AP2A1: variants seen among roughly 807,000 people sequenced by gnomAD.
The protein encoded by AP2A1 is AP-2 complex subunit alpha-1.
AP2A1 carries 21 observed loss-of-function variants against 107.3 expected under a neutral mutation model. That is an observed-to-expected ratio of 0.20 (90% CI 0.14 to 0.28). The LOEUF is 0.28. Ranked by LOEUF, AP2A1 falls within the 10% of genes least tolerant of loss-of-function variation. The pLI, the probability that AP2A1 is intolerant of heterozygous loss-of-function variation, is 1.00. For synonymous variants in AP2A1, 602 were observed against 564.8 expected (o/e 1.07, Z -0.93); for missense variants, 873 against 1,307.7 (o/e 0.67, Z 5.13).
chr19:49,806,192 T>G lies in AP2A1; in HGVS notation c.2729T>G (p.Ile910Ser). 6.2e-7 allele frequency: 1 copy of G among 1,600,228 alleles called. No individual in the cohort carries two copies. The highest frequency in any genetic ancestry group is 8.5e-7 in the Non-Finnish European group (1 of 1,173,886). Reference sequence around the variant, plus strand: ...GAGAACTTCGTGGGGGCGGGGATCATCCAGACTAAAGCCCTGCAGGTGGGC... The same window carrying G: ...GAGAACTTCGTGGGGGCGGGGATCAGCCAGACTAAAGCCCTGCAGGTGGGC... ...NPENFVGAGI[I>S]QTKALQVGCL... Residue 910 changes from isoleucine to serine, a missense_variant, in exon 22 of 23, where the codon ATC becomes AGC. This residue lies in a region of AP2A1 where 416 missense variants were observed against 473.4 expected (regional missense o/e 0.88). Coordinates refer to ENST00000354293, the MANE Select transcript of AP2A1 (RefSeq NM_130787.3).
chr19:49,801,760 C>G lies in AP2A1; in HGVS notation c.1824C>G (p.Arg608=). 2 of 1,567,874 alleles carry G rather than the reference C, an allele frequency of 1.3e-6. No homozygotes were observed. ...AGGAGATGCCGCCCTTCCCCGAGCG[C>G]GAGTCGTCCATCCTGGCCAAGCTGA... ...VLEEMPPFPE[R]ESSILAKLKR... is the part of the protein sequence containing the mutation. Residue 608 remains arginine, a synonymous_variant, in exon 14 of 23, where the codon CGC becomes CGG. Coordinates refer to ENST00000354293, the MANE Select transcript of AP2A1 (RefSeq NM_130787.3).
chr19:49,806,585 G>T lies in AP2A1; in HGVS notation c.2791-96G>T. ...CTCCTGTGTCTTGTATCACCTTTCT[G>T]GCCCCTTTATCCTTCCTTCCTTCTA... is the stretch of plus-strand genomic sequence containing the variant. On this transcript the variant is annotated intron_variant, in intron 22 of 22. Coordinates refer to ENST00000354293, the MANE Select transcript of AP2A1 (RefSeq NM_130787.3). The T allele has an allele frequency of 1.9e-6, 3 of 1,545,112 alleles. No individual in the cohort carries two copies. The South Asian group carries it at 3.6e-5, about 18-fold the overall frequency.
chr19:49,802,188 C>G, intron 15 of AP2A1, 47 bp downstream of exon 15: 1 of 1,468,464 alleles, frequency 6.8e-7, no homozygotes, highest in Non-Finnish European at 9.2e-7. Flanking sequence ...ACCCCCAGGG[C>G]TGTCCCTTCT....
At chr19:49,795,595 C>CCCCCCCCCA in intron 6 of AP2A1, 35 bp from the exon 7 acceptor site, 2 of 921,910 alleles carry the variant, frequency 2.2e-6, no homozygotes, top group Non-Finnish European at 1.7e-6. Context: ...CCTCCCACCC[C>CCCCCCCCCA]AGCCCCCAAC....
At chr19:49,794,168 G>A (rs1035271028) in intron 6 of AP2A1, among the ~76,000 whole-genome samples, 1 of 151,332 alleles carries the variant, frequency 6.6e-6, no homozygotes, top group Non-Finnish European at 1.5e-5. Flanking sequence ...CTAAAGTGCT[G>A]GGATTACCGG....
intron 1 of AP2A1, among the ~76,000 whole-genome samples, chr19:49,774,849 G>A (rs937337919): frequency 4.0e-5 from 6 of 151,702 alleles, no homozygotes; most frequent in African/African-American, 1.5e-4. Context: ...AACCCAGGAG[G>A]TGGAGGTTGC....
chr19:49,776,124 C>G (rs1036750813), intron 1 of AP2A1, among the ~76,000 whole-genome samples: 3 of 152,072 alleles, frequency 2.0e-5, no homozygotes, highest in African/African-American at 7.2e-5. Context: ...CTCCCATGGC[C>G]CCCCCCAGCA....
At position 49,787,334 on chromosome 19, in the gene AP2A1, GT is replaced by G. The variant is rs1298524155; in HGVS notation, c.474-4598del. Among the ~76,000 whole-genome samples, 86 of 108,512 alleles carry G rather than the reference GT, an allele frequency of 7.9e-4. 1 individual carries two copies. Among genetic ancestry groups the G allele is most frequent in the Middle Eastern group, 5.1e-3 (1 of 198 alleles). 71.2% of individuals were successfully genotyped at this position (108,512 alleles called of 152,430 possible). A position where few individuals can be genotyped will look rare whatever the true frequency, so the allele number is the denominator to read the frequency against. ...CACCACTCCCATCTAGGCTTTTTTT[GT>G]TTGTTTTTTTTGTTTTTTGTTTTTT... On this transcript the variant is annotated intron_variant, in intron 4 of 22. Transcript: ENST00000354293.
At chr19:49,792,292 C>T (rs571196252) in intron 5 of AP2A1, among the ~76,000 whole-genome samples, 3 of 144,218 alleles carry the variant, frequency 2.1e-5, no homozygotes, top group Admixed American at 6.8e-5. Flanking sequence ...CCCAGGGCTC[C>T]CACCTCAGCC....
intron 4 of AP2A1, among the ~76,000 whole-genome samples, chr19:49,789,491 A>G (rs2073115592): frequency 6.6e-6 from 1 of 151,116 alleles, no homozygotes; most frequent in Admixed American, 6.6e-5. Flanking sequence ...GGGTTTCACC[A>G]TGTTGGCCAG....
In AP2A1 at chr19:49,806,249, C is replaced by A; in HGVS notation, c.2786C>A (p.Ala929Asp). ...CTTCGGCTGGAGCCCAATGCCCAGG[C>A]CCAGGTGAGTGCTGCTGTGGGAGGC... is the stretch of plus-strand genomic sequence containing the variant. ...CLLRLEPNAQAQMYRLTLRTS... is the reference protein window; with the variant it reads ...CLLRLEPNAQDQMYRLTLRTS... Residue 929 changes from alanine to aspartate, a missense_variant, in exon 22 of 23, where the codon GCC (alanine) becomes GAC (aspartate). This residue lies in a region of AP2A1 where 416 missense variants were observed against 473.4 expected (regional missense o/e 0.88). Transcript: ENST00000354293. 6.2e-7 allele frequency: 1 copy of A among 1,604,894 alleles called. No homozygotes were observed. The highest frequency in any genetic ancestry group is 1.7e-5 in the Admixed American group (1 of 58,990).
chr19:49,771,752 C>T (rs866479982), intron 1 of AP2A1, among the ~76,000 whole-genome samples: 1 of 151,864 alleles, frequency 6.6e-6, no homozygotes, highest in Non-Finnish European at 1.5e-5. Context: ...TTGCAGCTGT[C>T]CTAAGCCCAG....
chr19:49,794,918 C>T (rs2073192948), intron 6 of AP2A1, among the ~76,000 whole-genome samples: 1 of 152,210 alleles, frequency 6.6e-6, no homozygotes, highest in Admixed American at 6.5e-5. Flanking sequence ...CCACCTTGGC[C>T]TCCCAAAGTG....
At chr19:49,805,385 G>C (rs1056605193) in intron 18 of AP2A1, 68 bp from the exon 19 acceptor site, 25 of 1,459,280 alleles carry the variant, frequency 1.7e-5, no homozygotes, top group Non-Finnish European at 2.1e-5. Context: ...GGGAGCTCTG[G>C]GGTTCCTGAC....
At chr19:49,775,164 G>GT (rs1050994556) in intron 1 of AP2A1, among the ~76,000 whole-genome samples, 8 of 152,118 alleles carry the variant, frequency 5.3e-5, no homozygotes, top group Admixed American at 4.6e-4. Flanking sequence ...GGAGGTCGAG[G>GT]TTGCAATGAG....
intron 18 of AP2A1, chr19:49,804,779 G>T (rs1192098961): frequency 6.6e-6 from 1 of 152,196 alleles, no homozygotes; most frequent in African/African-American, 2.4e-5. Flanking sequence ...TTGAGGCCTC[G>T]CTATGTTGCC....
intron 5 of AP2A1, 143 bp from the exon 6 acceptor site, chr19:49,792,848 G>C: frequency 1.4e-6 from 1 of 726,304 alleles, no homozygotes; most frequent in Non-Finnish European, 2.3e-6. Flanking sequence ...CACCCCTAAA[G>C]CACGCACAGT....
At chr19:49,800,313 C>G (rs896750170) in intron 11 of AP2A1, among the ~76,000 whole-genome samples, 163 bp downstream of exon 11, 3 of 152,228 alleles carry the variant, frequency 2.0e-5, no homozygotes, top group African/African-American at 7.2e-5. Flanking sequence ...ACCCAGGGGA[C>G]CCAGGGCTAT....
chr19:49,782,629 C>G lies in AP2A1; in HGVS notation c.378C>G (p.Thr126=), dbSNP rs376353872. Residue 126 remains threonine, a synonymous_variant, in exon 4 of 23, where the codon ACC becomes ACG. Transcript: ENST00000354293. ...ATGACCTGGCCAGCCGCAACCCCAC[C>G]TTCATGTGCCTGGCCCTGCACTGCA... The part of the protein sequence containing the change: ...IKNDLASRNP[T]FMCLALHCIA... 5.6e-5 allele frequency: 91 copies of G among 1,613,652 alleles called. No homozygotes were observed. The highest frequency in any genetic ancestry group is 3.3e-4 in the Middle Eastern group (2 of 6,082).
Sources: gnomAD v4.1 joint callset for allele counts (sites outside exome capture counted in the v4.1 genomes callset) on GRCh38, gnomAD v4.1.1 for gene constraint, gnomAD v4.1.1 regional missense constraint, MANE v1.5 for transcripts, NCBI Gene and HGNC (gene_info 2026-07-23, HGNC 2026-07-21) for gene names.